Variants in ELOVL6 observed in about 807,000 individuals in gnomAD.
ELOVL6 encodes very long chain fatty acid elongase 6.
Under a neutral mutation model 31.7 loss-of-function variants are expected in ELOVL6, and 8 were observed. The observed-to-expected ratio is 0.25, with a 90% CI of 0.15 to 0.45. The LOEUF (loss-of-function observed/expected upper bound fraction) is 0.45, where lower values mean the gene tolerates loss of function less well. ELOVL6 is among the 20% of genes least tolerant of loss of function. ELOVL6 has a pLI of 1.00. For synonymous variants in ELOVL6, 101 were observed against 117.7 expected (o/e 0.86, Z 0.92); for missense variants, 126 against 326.4 (o/e 0.39, Z 4.73).
intron 3 of ELOVL6, among the ~76,000 whole-genome samples, chr4:110,055,950 T>C (rs1323190026): frequency 2.0e-5 from 3 of 152,146 alleles, no homozygotes; most frequent in African/African-American, 4.8e-5. Flanking sequence ...AGAAAGGTCT[T>C]CTTGCTATTT....
At chr4:110,105,263 G>A (rs184185112) in intron 2 of ELOVL6, among the ~76,000 whole-genome samples, 32 of 152,202 alleles carry the variant, frequency 2.1e-4, no homozygotes, top group African/African-American at 7.0e-4. Flanking sequence ...ATTACTGCAT[G>A]ACCAATTTGG....
At chr4:110,137,549 C>T (rs995821817) in intron 1 of ELOVL6, among the ~76,000 whole-genome samples, 2 of 151,502 alleles carry the variant, frequency 1.3e-5, no homozygotes, top group Non-Finnish European at 2.9e-5. Context: ...TTATCCATGT[C>T]AGTTAAGTTT....
At chr4:110,061,549 C>CTTTTTTTTTTTTGTTTTTTTTTTTTTTT (rs1755139321) in intron 2 of ELOVL6, among the ~76,000 whole-genome samples, 2 of 72,380 alleles carry the variant, frequency 2.8e-5, no homozygotes, top group South Asian at 5.6e-4. Context: ...CAAATGATGG[C>CTTTTTTTTTTTTGTTTTTTTTTTTTTTT]TTTTTTTTTT....
chr4:110,111,827 C>T (rs1757043362), intron 1 of ELOVL6, among the ~76,000 whole-genome samples: 2 of 152,060 alleles, frequency 1.3e-5, no homozygotes, highest in Admixed American at 6.6e-5. Flanking sequence ...GGTAGAAAGC[C>T]TGTTTGGAGA....
intron 2 of ELOVL6, among the ~76,000 whole-genome samples, chr4:110,071,160 C>T (rs1755469189): frequency 6.6e-6 from 1 of 152,214 alleles, no homozygotes; most frequent in South Asian, 2.1e-4. Context: ...GTAGCAGAGT[C>T]ATAAGCTCCG....
intron 1 of ELOVL6, among the ~76,000 whole-genome samples, chr4:110,116,312 G>A (rs569555631): frequency 1.4e-4 from 21 of 152,282 alleles, no homozygotes; most frequent in Admixed American, 1.2e-3. Context: ...AAAACACATA[G>A]GAGACCCCTA....
At chr4:110,066,880 C>A (rs1020246566) in intron 2 of ELOVL6, among the ~76,000 whole-genome samples, 2 of 152,064 alleles carry the variant, frequency 1.3e-5, no homozygotes, top group South Asian at 4.2e-4. Flanking sequence ...AAGCCCTGCA[C>A]ACATTAGGTA....
intron 1 of ELOVL6, among the ~76,000 whole-genome samples, chr4:110,186,822 A>AATATATAT (rs1284269627): frequency 4.2e-4 from 25 of 59,428 alleles, no homozygotes; most frequent in African/African-American, 6.7e-4. Flanking sequence ...AAAAAAAAAA[A>AATATATAT]ATATATATAT....
intron 1 of ELOVL6, among the ~76,000 whole-genome samples, chr4:110,153,525 C>T (rs1758337227): frequency 6.6e-6 from 1 of 152,074 alleles, no homozygotes; most frequent in Non-Finnish European, 1.5e-5. Context: ...GACATAAAAT[C>T]CAACAAGGGT....
At chr4:110,085,779 T>TA (rs1234037449) in intron 2 of ELOVL6, among the ~76,000 whole-genome samples, 1 of 152,206 alleles carries the variant, frequency 6.6e-6, no homozygotes, top group Non-Finnish European at 1.5e-5. Context: ...AGTGGTGTGA[T>TA]CTTGGCTCAC....
At chr4:110,143,482 C>T (rs1047486464) in intron 1 of ELOVL6, among the ~76,000 whole-genome samples, 3 of 152,056 alleles carry the variant, frequency 2.0e-5, no homozygotes, top group Admixed American at 6.6e-5. Flanking sequence ...AATAACCCAT[C>T]CTAAGAAATA....
At position 110,109,501 on chromosome 4, in the gene ELOVL6, G is replaced by A. The variant is rs543004259; in HGVS notation, c.90-3873C>T. ...ATTCCATAATTAATAAAAATGAATA[G>A]TGGATCTATCCTTAGAAATCTGAAT... On this transcript the variant is annotated intron_variant, in intron 1 of 3. Transcript: ENST00000302274. Among the ~76,000 whole-genome samples the A allele has an allele frequency of 3.9e-5, 6 of 152,224 alleles. No individual in the cohort carries two copies. In the East Asian group the frequency reaches 9.7e-4, roughly 25 times the overall value.
Position 110,048,424 on chromosome 4 carries a change from C to T in ELOVL6, c.*2914G>A, listed in dbSNP as rs1002928198. The T allele has an allele frequency of 6.6e-6, 1 of 152,060 alleles. No individual in the cohort carries two copies. The highest frequency in any genetic ancestry group is 6.5e-5 in the Admixed American group (1 of 15,270). 9.4% of individuals were successfully genotyped at this position (152,060 alleles called of 1,614,324 possible). On this transcript the variant is annotated 3_prime_UTR_variant, in exon 4 of 4. Coordinates refer to ENST00000302274, the MANE Select transcript of ELOVL6 (RefSeq NM_024090.3). ...AAAGGATTTTTTTTTAGCCCAAGAA[C>T]AATGCTTTCACCATAGTAGGATCGG...
At chr4:110,175,275 C>T (rs1281136456) in intron 1 of ELOVL6, among the ~76,000 whole-genome samples, 4 of 151,898 alleles carry the variant, frequency 2.6e-5, no homozygotes, top group Admixed American at 2.0e-4. Flanking sequence ...CCCAGCTACA[C>T]GGGAGGCTGG....
intron 2 of ELOVL6, among the ~76,000 whole-genome samples, chr4:110,083,916 G>A (rs1481157486): frequency 3.9e-5 from 1 of 25,940 alleles, no homozygotes; most frequent in Non-Finnish European, 8.2e-5. Flanking sequence ...CACATAGAGA[G>A]AGAGATAATA....
At chr4:110,180,810 A>C (rs2126277644) in intron 1 of ELOVL6, among the ~76,000 whole-genome samples, 1 of 152,238 alleles carries the variant, frequency 6.6e-6, no homozygotes, top group East Asian at 1.9e-4. Context: ...GGAACAAAAA[A>C]TAGCCAAGAG....
chr4:110,149,035 T>C (rs182648507), intron 1 of ELOVL6, among the ~76,000 whole-genome samples: 80 of 152,292 alleles, frequency 5.3e-4, no homozygotes, highest in Non-Finnish European at 9.3e-4. Context: ...TAATTTGTTG[T>C]ATTTTTAGTA....
intron 1 of ELOVL6, among the ~76,000 whole-genome samples, chr4:110,152,420 T>C (rs1407806213): frequency 2.0e-5 from 3 of 152,172 alleles, no homozygotes; most frequent in African/African-American, 4.8e-5. Context: ...AAATCTTACC[T>C]CTCTGACACC....
intron 2 of ELOVL6, among the ~76,000 whole-genome samples, chr4:110,083,397 G>A (rs1305640920): frequency 1.3e-5 from 2 of 151,680 alleles, no homozygotes; most frequent in African/African-American, 4.9e-5. Flanking sequence ...AACATACCAG[G>A]TAGAGGGATA....
Sources: allele counts gnomAD v4.1 joint callset (sites outside exome capture counted in the v4.1 genomes callset), GRCh38; gene constraint gnomAD v4.1.1; transcripts MANE v1.5; gene names NCBI Gene and HGNC (gene_info 2026-07-23, HGNC 2026-07-21).